The following SLIT1 variants were observed in gnomAD, a reference collection of about 807,000 sequenced individuals.
SLIT1 encodes the protein slit homolog 1 protein.
Under a neutral mutation model 186.1 loss-of-function variants are expected in SLIT1, and 66 were observed. The observed-to-expected ratio is 0.35, with a 90% confidence interval of 0.29 to 0.44. The LOEUF (loss-of-function observed/expected upper bound fraction) is 0.44. SLIT1 is among the 20% of genes least tolerant of loss of function. The probability of loss-of-function intolerance (pLI) is 1.00; values close to 1 mark genes in which losing one functional copy is unlikely to be tolerated. For synonymous variants in SLIT1, 761 were observed against 833.8 expected, an observed-to-expected ratio of 0.91 and a Z score of 1.50; for missense variants, 1,638 against 2,037.4, an observed-to-expected ratio of 0.80 and a Z score of 3.77.
intron 4 of SLIT1, among the ~76,000 whole-genome samples, chr10:97,136,495 T>C (rs1849704732): frequency 6.6e-6 from 1 of 152,174 alleles, no homozygotes; most frequent in South Asian, 2.1e-4. Flanking sequence ...GTATCCTTAC[T>C]TTTAGAAATC....
intron 22 of SLIT1, among the ~76,000 whole-genome samples, chr10:97,036,947 A>G (rs748862739): frequency 5.3e-5 from 8 of 152,146 alleles, no homozygotes; most frequent in Non-Finnish European, 8.8e-5. Context: ...TAGCTGCCAT[A>G]GTTCATACTT....
At chr10:97,094,676 G>C (rs191218823) in intron 4 of SLIT1, among the ~76,000 whole-genome samples, 212 of 152,312 alleles carry the variant, frequency 1.4e-3, no homozygotes, top group Middle Eastern at 0.01. Context: ...GAAATTGCCT[G>C]GTGTGATAAG....
chr10:97,042,749 C>T, intron 20 of SLIT1, 152 bp downstream of exon 20: 1 of 755,624 alleles, frequency 1.3e-6, no homozygotes, highest in Non-Finnish European at 2.1e-6. Context: ...GCGTCTCCTC[C>T]TGAAAACAGG....
chr10:97,011,435 C>A (rs1848409682), intron 30 of SLIT1, among the ~76,000 whole-genome samples: 1 of 152,106 alleles, frequency 6.6e-6, no homozygotes, highest in South Asian at 2.1e-4. Context: ...CCCACCTTCA[C>A]CAGCAACAGC....
chr10:97,111,520 A>G (rs1589398056), intron 4 of SLIT1, among the ~76,000 whole-genome samples: 1 of 152,078 alleles, frequency 6.6e-6, no homozygotes, highest in Admixed American at 6.5e-5. Context: ...AACCAAACAT[A>G]CCCTGTCTGT....
Position 97,185,462 on chromosome 10 carries a change from C to A in SLIT1, c.197+16G>T. 1 of 1,607,918 alleles carries A rather than the reference C, an allele frequency of 6.2e-7. No homozygotes were observed. The highest frequency in any genetic ancestry group is 1.1e-5 in the South Asian group (1 of 90,338). On this transcript the variant is annotated intron_variant, in intron 1 of 36. Transcript: ENST00000266058. ...AACCTCGGAGCCAGGGAGCCAGGGG[C>A]GGGGACCATACTCACAGGCGCTCGG...
intron 4 of SLIT1, among the ~76,000 whole-genome samples, chr10:97,116,731 T>C (rs953090030): frequency 3.3e-5 from 5 of 151,614 alleles, no homozygotes; most frequent in Non-Finnish European, 7.4e-5. Context: ...AGGCTGGGGG[T>C]GGGAGAGCCT....
At chr10:97,109,755 C>T (rs1424030813) in intron 4 of SLIT1, among the ~76,000 whole-genome samples, 5 of 152,168 alleles carry the variant, frequency 3.3e-5, no homozygotes, top group African/African-American at 1.2e-4. Flanking sequence ...CCTGATCAGT[C>T]ATCTCATTTC....
rs116028202 is a variant in SLIT1 at position 97,014,161 on chromosome 10, G to A, written c.2970-3C>T. 1.2e-6 allele frequency: 2 copies of A among 1,613,158 alleles called. No individual in the cohort carries two copies. The highest frequency in any genetic ancestry group is 1.7e-6 in the Non-Finnish European group (2 of 1,180,008). Reference sequence around the variant, plus strand: ...CAAAGCCGGTGGGACAGGAGCACCTGTGCGGGGAAGGGGAGGATGGAGAGA... The same window carrying A: ...CAAAGCCGGTGGGACAGGAGCACCTATGCGGGGAAGGGGAGGATGGAGAGA... On this transcript the variant is annotated splice_region_variant and splice_polypyrimidine_tract_variant and intron_variant, in intron 28 of 36. Transcript: ENST00000266058.
chr10:97,177,378 A>G (rs887360572), intron 1 of SLIT1, among the ~76,000 whole-genome samples: 10 of 152,174 alleles, frequency 6.6e-5, no homozygotes, highest in Admixed American at 1.3e-4. Flanking sequence ...CGAGCATCAG[A>G]GTCTGCCACG....
At position 97,054,099 on chromosome 10, in the gene SLIT1, C is replaced by T. The variant is rs112278719; in HGVS notation, c.1301+2222G>A. Among the ~76,000 whole-genome samples, 646 of 151,916 alleles carry T rather than the reference C, an allele frequency of 4.3e-3. 6 individuals are homozygous for T. The highest frequency in any genetic ancestry group is 0.015 in the African/African-American group (627 of 41,476). ...TATGGCACCAACAACCGCTCGGCTT[C>T]TGGTGAGCCTCAGGAAGCTTACAAT... On this transcript the variant is annotated intron_variant, in intron 13 of 36. Transcript: ENST00000266058.
At position 97,043,670 on chromosome 10, in the gene SLIT1, G is replaced by T. The variant is rs952553325; in HGVS notation, c.1854-157C>A. ...CACGCACCAGCCAGGCCCCGGCCAG[G>T]TGAGGCGAGTTTTACACACCTGTGC... is the stretch of plus-strand genomic sequence containing the variant. On this transcript the variant is annotated intron_variant, in intron 18 of 36. Transcript: ENST00000266058. This position sits in a 1 kb window ranked among gnomAD's most constrained non-coding sequence, Gnocchi z 7.0. Among the ~76,000 whole-genome samples the T allele has an allele frequency of 2.0e-5, 3 of 152,090 alleles. No homozygotes were observed. Among genetic ancestry groups the T allele is most frequent in the Non-Finnish European group, 2.9e-5 (2 of 68,006 alleles).
chr10:97,043,363 G>C lies in SLIT1; in HGVS notation c.1997+7C>G, dbSNP rs1356455453. On this transcript the variant is annotated splice_region_variant and intron_variant, in intron 19 of 36. Transcript: ENST00000266058. The surrounding 1 kb of genome is among the most constrained non-coding windows in gnomAD (Gnocchi z 7.0). ...CCCCGCCCGCCTGTCCTGGAGGCCG[G>C]ACTCACAGTGTGGAGAGGGACTGGA... 1.9e-6 allele frequency: 3 copies of C among 1,613,112 alleles called. No individual in the cohort carries two copies. Among genetic ancestry groups the C allele is most frequent in the Non-Finnish European group, 2.5e-6 (3 of 1,179,948 alleles).
chr10:97,142,080 G>A (rs1413939652), intron 4 of SLIT1, among the ~76,000 whole-genome samples: 2 of 152,186 alleles, frequency 1.3e-5, no homozygotes, highest in East Asian at 3.9e-4. Flanking sequence ...TGGGATTACA[G>A]GCATGAGACA....
chr10:97,028,286 C>G (rs938416223), intron 25 of SLIT1, among the ~76,000 whole-genome samples: 22 of 152,226 alleles, frequency 1.4e-4, no homozygotes, highest in Admixed American at 7.9e-4. Flanking sequence ...CCTCCCACCC[C>G]ACTCACCCTC....
intron 4 of SLIT1, among the ~76,000 whole-genome samples, chr10:97,075,283 C>T (rs1849035697): frequency 6.6e-6 from 1 of 152,252 alleles, no homozygotes; most frequent in Admixed American, 6.5e-5. Context: ...AAGCCTCAGT[C>T]TTCTCATGGT....
At chr10:97,072,304 G>A (rs915080380) in intron 4 of SLIT1, among the ~76,000 whole-genome samples, 5 of 152,288 alleles carry the variant, frequency 3.3e-5, no homozygotes, top group Admixed American at 6.5e-5. Flanking sequence ...GACTACAGGC[G>A]CATGCTACCA....
chr10:97,011,314 T>C (rs1656572327), intron 30 of SLIT1, among the ~76,000 whole-genome samples, 184 bp from the exon 31 acceptor site: 1 of 152,124 alleles, frequency 6.6e-6, no homozygotes, highest in African/African-American at 2.4e-5. Flanking sequence ...CCCTAGCCCA[T>C]CCTGGGACCC....
At chr10:97,046,117 G>T (rs1848731265) in intron 18 of SLIT1, among the ~76,000 whole-genome samples, 1 of 152,178 alleles carries the variant, frequency 6.6e-6, no homozygotes, top group Non-Finnish European at 1.5e-5. Context: ...CATCTGAAGA[G>T]CCAGCCCTCC....
Sources: gnomAD v4.1 joint callset for allele counts (sites outside exome capture counted in the v4.1 genomes callset) on GRCh38, gnomAD v4.1.1 for gene constraint, Gnocchi (gnomAD v3.1) non-coding constraint, MANE v1.5 for transcripts, NCBI Gene and HGNC (gene_info 2026-07-23, HGNC 2026-07-21) for gene names.